Variants in CHM observed in about 807,000 individuals in gnomAD.
CHM encodes the protein CHM Rab escort protein, also known as rab proteins geranylgeranyltransferase component A 1.
CHM carries 10 observed loss-of-function variants against 49.0 expected under a neutral mutation model. That is an observed-to-expected ratio of 0.20 (90% CI 0.13 to 0.35). The LOEUF (loss-of-function observed/expected upper bound fraction) is 0.35. CHM is among the 10% of genes least tolerant of loss of function. The probability of loss-of-function intolerance (pLI) is 1.00; values close to 1 mark genes in which losing one functional copy is unlikely to be tolerated. For synonymous variants in CHM, 184 were observed against 167.5 expected, an observed-to-expected ratio of 1.10 and a Z score of -0.76; for missense variants, 455 against 478.4, an observed-to-expected ratio of 0.95 and a Z score of 0.46.
At chrX:85,953,747 C>A (rs1445661440) in intron 8 of CHM, among the ~76,000 whole-genome samples, 1 of 111,854 alleles carries the variant, frequency 8.9e-6, no homozygotes, top group Non-Finnish European at 1.9e-5. Context: ...AGACCCCTAT[C>A]TTTTGCAGTA....
intron 8 of CHM, among the ~76,000 whole-genome samples, chrX:85,915,284 G>A (rs746154421): frequency 9.0e-6 from 1 of 111,628 alleles, no homozygotes; most frequent in East Asian, 2.8e-4. Context: ...AATAAGTTAG[G>A]TATTGAAGGA....
chrX:85,899,686 C>CT (rs1926129713), intron 11 of CHM, among the ~76,000 whole-genome samples: 1 of 65,989 alleles, frequency 1.5e-5, no homozygotes, highest in Non-Finnish European at 2.6e-5. Flanking sequence ...ACCCACCCCC[C>CT]GCCCCAAAAA....
Position 85,864,605 on chromosome X carries a change from G to A in CHM, c.*25C>T. The A allele has an allele frequency of 8.5e-7, 1 of 1,173,518 alleles. No individual in the cohort carries two copies. Among genetic ancestry groups the A allele is most frequent in the Non-Finnish European group, 1.2e-6 (1 of 862,905 alleles). On this transcript the variant is annotated 3_prime_UTR_variant, in exon 15 of 15. Coordinates refer to ENST00000357749, the MANE Select transcript of CHM (RefSeq NM_000390.4). ...GAGACCAGTCAGAATTTCCAAAGTT[G>A]GGTATCCAGTTTGGTGTATATCCAT...
In CHM at chrX:85,938,175, C is replaced by T. The variant is rs1928897678; in HGVS notation, c.1166+17978G>A. The stretch of plus-strand genomic sequence containing the variant: ...CTTTACCAATATATCCATCCATCAC[C>T]AGAGAACAGGTTTCAAAATGATGGA... On this transcript the variant is annotated intron_variant, in intron 8 of 14. Coordinates refer to ENST00000357749, the MANE Select transcript of CHM (RefSeq NM_000390.4). 2.7e-5 allele frequency among the ~76,000 whole-genome samples: 3 copies of T among 111,675 alleles called. No individual in the cohort carries two copies. The Admixed American group carries it at 2.9e-4, about 11-fold the overall frequency.
At chrX:85,925,723 A>G (rs1260059018) in intron 8 of CHM, among the ~76,000 whole-genome samples, 1 of 111,790 alleles carries the variant, frequency 8.9e-6, no homozygotes, top group East Asian at 2.8e-4. Flanking sequence ...TTCAAATTGT[A>G]CAAATAACAT....
At chrX:85,978,706 C>T (rs1603268792) in intron 4 of CHM, 61 bp downstream of exon 4, 1 of 1,112,996 alleles carries the variant, frequency 9.0e-7, no homozygotes, top group East Asian at 3.2e-5. Context: ...TTGTTGGCTT[C>T]TTCTAAAGAA....
At chrX:85,878,721 T>C (rs1924569874) in intron 13 of CHM, among the ~76,000 whole-genome samples, 1 of 111,489 alleles carries the variant, frequency 9.0e-6, no homozygotes, top group East Asian at 2.8e-4. Context: ...TAAATGTATA[T>C]TTTTGTGCTT....
intron 4 of CHM, chrX:85,969,450 A>T: frequency 1.4e-6 from 1 of 713,187 alleles, no homozygotes; most frequent in Non-Finnish European, 1.7e-6. Flanking sequence ...TTCCCCACAT[A>T]AACTATGAAA....
At chrX:85,931,393 A>G (rs1221409826) in intron 8 of CHM, among the ~76,000 whole-genome samples, 1 of 111,774 alleles carries the variant, frequency 8.9e-6, no homozygotes, top group Non-Finnish European at 1.9e-5. Context: ...GCTTTATGGA[A>G]CTAAAAATGC....
At chrX:86,028,983 A>C (rs774786300) in intron 1 of CHM, among the ~76,000 whole-genome samples, 4 of 112,155 alleles carry the variant, frequency 3.6e-5, no homozygotes, top group African/African-American at 1.3e-4. Flanking sequence ...GATACAGTCA[A>C]TCTCTAGCTA....
rs898829221 is a variant in CHM at position 85,862,320 on chromosome X, G to A, written c.*2310C>T. On this transcript the variant is annotated 3_prime_UTR_variant, in exon 15 of 15. Coordinates refer to ENST00000357749, the MANE Select transcript of CHM (RefSeq NM_000390.4). ...ATGAATGTGCATGCTGCATTCAAGC[G>A]GCTTTAACTCTAAGACCGTAACAGT... is the stretch of plus-strand genomic sequence containing the variant. 8.9e-6 allele frequency: 1 copy of A among 112,199 alleles called. No homozygotes were observed. Among genetic ancestry groups the A allele is most frequent in the Non-Finnish European group, 1.9e-5 (1 of 53,162 alleles). The allele number at this position is 112,199 out of a possible 1,213,427, so 9.2% of individuals were successfully genotyped here. A position where few individuals can be genotyped will look rare whatever the true frequency, so the allele number is the denominator to read the frequency against.
At chrX:86,044,997 C>T (rs1464609576) in intron 1 of CHM, among the ~76,000 whole-genome samples, 1 of 111,863 alleles carries the variant, frequency 8.9e-6, no homozygotes, top group Non-Finnish European at 1.9e-5. Flanking sequence ...TTCCATCTTG[C>T]ATTACAGAAA....
In CHM at chrX:85,971,191, C is replaced by T. The variant is rs1393775967; in HGVS notation, c.315-7139G>A. ...TCCAAGCAGTGGTAATGGGTTTGCA[C>T]TAATCCATTTGAATTCTCGCCTAGT... On this transcript the variant is annotated intron_variant, in intron 4 of 14. Transcript: ENST00000357749. 6.6e-6 allele frequency: 5 copies of T among 753,372 alleles called. No homozygotes were observed. In the Admixed American group the frequency reaches 2.6e-4, roughly 39 times the overall value. The allele number at this position is 753,372 out of a possible 1,213,427, so 62.1% of individuals were successfully genotyped here.
rs141748651 is a variant in CHM, at chrX:85,887,462, C to T, written c.1510+6726G>A. 8.5e-3 allele frequency among the ~76,000 whole-genome samples: 951 copies of T among 111,394 alleles called. 6 individuals are homozygous for T. Among genetic ancestry groups the T allele is most frequent in the Non-Finnish European group, 0.015 (809 of 53,125 alleles). On this transcript the variant is annotated intron_variant, in intron 12 of 14. Transcript: ENST00000357749. ...AAACCTCTTTCTTTGGTAAATTGCC[C>T]GGTTTCTGGTATGTCTTTATCAGCA...
At chrX:85,897,306 C>CGTGTGT (rs533191230) in intron 11 of CHM, among the ~76,000 whole-genome samples, 54 of 76,484 alleles carry the variant, frequency 7.1e-4, no homozygotes, top group African/African-American at 1.6e-3. Flanking sequence ...CTTGTGTGTG[C>CGTGTGT]GTGTGTGTGT....
chrX:85,866,415 C>T (rs769974469), intron 14 of CHM, among the ~76,000 whole-genome samples: 21 of 112,677 alleles, frequency 1.9e-4, no homozygotes, highest in East Asian at 5.6e-4. Flanking sequence ...TGTTAGGAAA[C>T]GCCTAGATGG....
At chrX:85,969,175 C>G (rs1450168243) in intron 4 of CHM, 1 of 737,167 alleles carries the variant, frequency 1.4e-6, no homozygotes, top group Non-Finnish European at 1.6e-6. Flanking sequence ...AGTTTTCATC[C>G]TGCTTTAATA....
intron 2 of CHM, among the ~76,000 whole-genome samples, chrX:86,000,413 A>G (rs1432478440): frequency 1.8e-5 from 2 of 108,211 alleles, no homozygotes; most frequent in Non-Finnish European, 3.8e-5. Context: ...AAAGATCAGT[A>G]AAGTAGTATA....
intron 8 of CHM, among the ~76,000 whole-genome samples, chrX:85,915,618 A>T (rs945070410): frequency 8.9e-6 from 1 of 112,426 alleles, no homozygotes; most frequent in Non-Finnish European, 1.9e-5. Flanking sequence ...TACAAAATCA[A>T]TGTACAAAAA....
Sources: gnomAD v4.1 joint callset for allele counts (sites outside exome capture counted in the v4.1 genomes callset) on GRCh38, gnomAD v4.1.1 for gene constraint, MANE v1.5 for transcripts, NCBI Gene and HGNC (gene_info 2026-07-23, HGNC 2026-07-21) for gene names.